GRIK3: variants seen among roughly 807,000 people sequenced by gnomAD.
GRIK3 encodes the protein glutamate receptor ionotropic, kainate 3.
GRIK3 carries 29 observed loss-of-function variants against 102.5 expected under a neutral mutation model. The ratio of observed to expected loss-of-function variants is 0.28; its 90% CI spans 0.21 to 0.39. The LOEUF is 0.39. Among genes scored for constraint, GRIK3 ranks in the 10% least tolerant of loss-of-function variants. The probability of loss-of-function intolerance (pLI) is 1.00; values close to 1 mark genes in which losing one functional copy is unlikely to be tolerated. For synonymous variants in GRIK3, 511 were observed against 504.9 expected, an observed-to-expected ratio of 1.01 and a Z score of -0.16; for missense variants, 908 against 1,252.4, an observed-to-expected ratio of 0.73 and a Z score of 4.15.
intron 1 of GRIK3, among the ~76,000 whole-genome samples, chr1:36,969,377 T>C (rs1352553278): frequency 6.6e-6 from 1 of 152,206 alleles, no homozygotes; most frequent in Non-Finnish European, 1.5e-5. Context: ...GGAGCAGAGT[T>C]AGATTTGGGT....
rs555937034 is a variant in GRIK3 at position 37,000,008 on chromosome 1, GA to G, written c.115+33985del. On this transcript the variant is annotated intron_variant, in intron 1 of 15. Transcript: ENST00000373091. ...CGAGACTCCGTCTCAGAAAAAAAAA[GA>G]GAACTTAATATTACTGAGCACACTC... Among the ~76,000 whole-genome samples the G allele has an allele frequency of 6.6e-5, 10 of 152,200 alleles. No individual in the cohort carries two copies. In the South Asian group the frequency reaches 2.1e-3, roughly 32 times the overall value.
intron 1 of GRIK3, among the ~76,000 whole-genome samples, chr1:36,911,313 G>A (rs1641343434): frequency 6.6e-6 from 1 of 152,152 alleles, no homozygotes; most frequent in African/African-American, 2.4e-5. Context: ...TCCCAGCTAT[G>A]TCACCTTGGG....
chr1:36,887,574 A>G (rs1161795284), intron 2 of GRIK3, among the ~76,000 whole-genome samples: 1 of 151,824 alleles, frequency 6.6e-6, no homozygotes, highest in Non-Finnish European at 1.5e-5. Context: ...GGCCAACATG[A>G]TGAAACCCTA....
At chr1:37,018,650 C>G (rs1642678394) in intron 1 of GRIK3, among the ~76,000 whole-genome samples, 2 of 152,118 alleles carry the variant, frequency 1.3e-5, no homozygotes, top group South Asian at 4.1e-4. Flanking sequence ...GGCCTCAGAT[C>G]CAGGATCAGG....
intron 10 of GRIK3, among the ~76,000 whole-genome samples, chr1:36,829,289 T>G (rs1642788809): frequency 6.6e-6 from 1 of 152,232 alleles, no homozygotes; most frequent in Non-Finnish European, 1.5e-5. Flanking sequence ...CTCTTCCCAC[T>G]TGTGCAAGTT....
rs1049912452 is a variant in GRIK3 at position 36,997,493 on chromosome 1, C to T, written c.115+36501G>A. On this transcript the variant is annotated intron_variant, in intron 1 of 15. Transcript: ENST00000373091. ...ACACAGAGAGAGGGAGCTGGCCCCC[C>T]TATACTCCATGGCACTGGGCAGGGG... Among the ~76,000 whole-genome samples, 36 of 152,330 alleles carry T rather than the reference C, an allele frequency of 2.4e-4. 1 individual carries two copies. The highest frequency in any genetic ancestry group is 4.9e-4 in the Non-Finnish European group (33 of 68,014).
At chr1:36,863,088 C>T (rs1049541198) in intron 5 of GRIK3, among the ~76,000 whole-genome samples, 8 of 152,142 alleles carry the variant, frequency 5.3e-5, no homozygotes, top group Middle Eastern at 3.2e-3. Flanking sequence ...CATGGGCACA[C>T]GACTAGGATG....
chr1:36,930,421 A>AATC (rs1267347149), intron 1 of GRIK3, among the ~76,000 whole-genome samples: 1 of 152,172 alleles, frequency 6.6e-6, no homozygotes, highest in East Asian at 1.9e-4. Flanking sequence ...GACCTTGTGG[A>AATC]ATCATAAATC....
intron 10 of GRIK3, among the ~76,000 whole-genome samples, chr1:36,828,198 G>A (rs529067225): frequency 6.6e-6 from 1 of 152,218 alleles, no homozygotes; most frequent in South Asian, 2.1e-4. Context: ...TTGGTGGGGT[G>A]GGAGCCTGAG....
At chr1:36,900,498 A>G (rs539067028) in intron 1 of GRIK3, among the ~76,000 whole-genome samples, 16 of 152,240 alleles carry the variant, frequency 1.1e-4, no homozygotes, top group Non-Finnish European at 2.2e-4. Flanking sequence ...AATATTTTGA[A>G]CTAAATAAAA....
At chr1:36,967,949 C>T (rs530223671) in intron 1 of GRIK3, among the ~76,000 whole-genome samples, 1 of 152,184 alleles carries the variant, frequency 6.6e-6, no homozygotes, top group Non-Finnish European at 1.5e-5. Context: ...AAGGACCTGG[C>T]CCCGGGTACC....
intron 1 of GRIK3, among the ~76,000 whole-genome samples, chr1:36,956,554 C>T (rs1308732684): frequency 1.3e-5 from 2 of 152,180 alleles, no homozygotes; most frequent in South Asian, 2.1e-4. Flanking sequence ...GTCCACCCCA[C>T]ACCACTCTCG....
chr1:36,854,144 C>T (rs937203378), intron 7 of GRIK3, among the ~76,000 whole-genome samples: 15 of 152,270 alleles, frequency 9.9e-5, no homozygotes, highest in South Asian at 4.1e-4. Flanking sequence ...CATAGCCCCC[C>T]GAAAGGCAGG....
intron 1 of GRIK3, among the ~76,000 whole-genome samples, chr1:37,014,574 C>T (rs1435886286): frequency 6.6e-6 from 1 of 152,224 alleles, no homozygotes; most frequent in Non-Finnish European, 1.5e-5. Flanking sequence ...ACCTGTTGAG[C>T]CCCACTCTGT....
At chr1:37,009,280 T>C (rs1202592666) in intron 1 of GRIK3, among the ~76,000 whole-genome samples, 1 of 152,162 alleles carries the variant, frequency 6.6e-6, no homozygotes, top group Non-Finnish European at 1.5e-5. Flanking sequence ...TGGTATGATG[T>C]AGGACTTGTG....
chr1:36,855,175 G>A (rs979988494), intron 7 of GRIK3, among the ~76,000 whole-genome samples: 1 of 152,264 alleles, frequency 6.6e-6, no homozygotes, highest in South Asian at 2.1e-4. Context: ...GAGGGTATCC[G>A]GAGAAGAGGC....
chr1:36,873,759 C>T (rs1158296180), intron 3 of GRIK3, among the ~76,000 whole-genome samples: 1 of 152,174 alleles, frequency 6.6e-6, no homozygotes, highest in Non-Finnish European at 1.5e-5. Flanking sequence ...CACATGGCCC[C>T]AGCCTGGGAA....
chr1:36,940,920 G>T (rs1043135174), intron 1 of GRIK3, among the ~76,000 whole-genome samples: 1 of 152,202 alleles, frequency 6.6e-6, no homozygotes, highest in Non-Finnish European at 1.5e-5. Flanking sequence ...AGGAGCCTGT[G>T]GTTCCCAATC....
chr1:36,955,600 A>G (rs1641897077), intron 1 of GRIK3, among the ~76,000 whole-genome samples: 1 of 152,200 alleles, frequency 6.6e-6, no homozygotes. Context: ...ACATGCACAT[A>G]CATTCACACA....
Sources: gnomAD v4.1 joint callset for allele counts (sites outside exome capture counted in the v4.1 genomes callset) on GRCh38, gnomAD v4.1.1 for gene constraint, MANE v1.5 for transcripts, NCBI Gene and HGNC (gene_info 2026-07-23, HGNC 2026-07-21) for gene names.